Variants in MYT1L observed in about 807,000 individuals in gnomAD.
MYT1L encodes myelin transcription factor 1 like.
In MYT1L, 12 loss-of-function variants were observed where a neutral mutation model predicts 126.7. The observed-to-expected ratio is 0.09, with a 90% CI of 0.06 to 0.15. The LOEUF (loss-of-function observed/expected upper bound fraction) is 0.15. Among genes scored for constraint, MYT1L ranks in the 10% least tolerant of loss-of-function variants. The pLI is 1.00. For synonymous variants in MYT1L, 541 were observed against 604.2 expected, an observed-to-expected ratio of 0.90 and a Z score of 1.53; for missense variants, 979 against 1,585.2, an observed-to-expected ratio of 0.62 and a Z score of 6.49.
intron 3 of MYT1L, among the ~76,000 whole-genome samples, chr2:2,058,013 G>A (rs1033128545): frequency 2.0e-5 from 3 of 152,162 alleles, no homozygotes; most frequent in African/African-American, 7.2e-5. Context: ...AAAAGAAAAC[G>A]CCAAACTGGT....
Position 1,929,315 on chromosome 2 carries a change from A to AC in MYT1L, c.506-6053dup, listed in dbSNP as rs1368753786. On this transcript the variant is annotated intron_variant, in intron 9 of 24. Transcript: ENST00000647738. This position sits in a 1 kb window ranked among gnomAD's most constrained non-coding sequence, Gnocchi z 4.7. ...CTCACTTCCAGCACGAGATCCCCGC[A>AC]CCCCTCCTCTGCCTCCCTCATCCTC... Among the ~76,000 whole-genome samples the AC allele has an allele frequency of 6.6e-5, 10 of 151,496 alleles. No homozygotes were observed. The highest frequency in any genetic ancestry group is 5.3e-4 in the Admixed American group (8 of 15,200).
intron 2 of MYT1L, among the ~76,000 whole-genome samples, chr2:2,209,196 C>T (rs1226092203): frequency 6.6e-6 from 1 of 152,158 alleles, no homozygotes; most frequent in Admixed American, 6.5e-5. Context: ...ATAATCACAG[C>T]ATGGTACATG....
At chr2:2,320,927 C>G (rs756352170) in intron 1 of MYT1L, among the ~76,000 whole-genome samples, 1 of 152,210 alleles carries the variant, frequency 6.6e-6, no homozygotes, top group Non-Finnish European at 1.5e-5. Context: ...TTTCCACGAC[C>G]CAGACAACAA....
intron 3 of MYT1L, among the ~76,000 whole-genome samples, chr2:2,164,410 G>C (rs1049090151): frequency 6.6e-6 from 1 of 152,128 alleles, no homozygotes; most frequent in Non-Finnish European, 1.5e-5. Flanking sequence ...CATCCTGTTT[G>C]GATGAGGGTG....
intron 3 of MYT1L, among the ~76,000 whole-genome samples, chr2:2,154,609 T>C (rs368966361): frequency 6.6e-6 from 1 of 152,330 alleles, no homozygotes; most frequent in East Asian, 1.9e-4. Context: ...TTCTCACTTA[T>C]AAGTGGGACT....
At chr2:2,075,020 A>C (rs1360018477) in intron 3 of MYT1L, among the ~76,000 whole-genome samples, 3 of 152,194 alleles carry the variant, frequency 2.0e-5, no homozygotes, top group African/African-American at 7.2e-5. Flanking sequence ...GAAGTGAAGA[A>C]ACATGTTCAC....
At chr2:2,278,976 C>T (rs919470738) in intron 2 of MYT1L, among the ~76,000 whole-genome samples, 9 of 152,120 alleles carry the variant, frequency 5.9e-5, no homozygotes, top group Admixed American at 2.0e-4. Flanking sequence ...CTGGGAGGCA[C>T]CTTCACTAGG....
intron 2 of MYT1L, among the ~76,000 whole-genome samples, chr2:2,240,560 A>G (rs1478523722): frequency 6.6e-6 from 1 of 152,222 alleles, no homozygotes; most frequent in African/African-American, 2.4e-5. Context: ...TAGTAACACA[A>G]ATTAAAATAT....
At position 1,947,186 on chromosome 2, in the gene MYT1L, T is replaced by C. The variant is rs1004694156; in HGVS notation, c.153-3852A>G. Among the ~76,000 whole-genome samples the C allele has an allele frequency of 5.3e-5, 8 of 152,222 alleles. No individual in the cohort carries two copies. In the South Asian group the frequency reaches 1.5e-3, roughly 28 times the overall value. ...TGTCACCCCACTTGGCTTGGTGCTA[T>C]TCAGTGAGGTGACTGGGGGTAAGGT... On this transcript the variant is annotated intron_variant, in intron 8 of 24. Transcript: ENST00000647738.
intron 4 of MYT1L, among the ~76,000 whole-genome samples, chr2:2,042,041 C>T (rs1240281714): frequency 6.6e-6 from 1 of 152,184 alleles, no homozygotes; most frequent in Non-Finnish European, 1.5e-5. Flanking sequence ...AGAGTGTCTC[C>T]TGCTTCTTGT....
At chr2:2,143,798 C>T (rs1309683826) in intron 3 of MYT1L, among the ~76,000 whole-genome samples, 2 of 152,100 alleles carry the variant, frequency 1.3e-5, no homozygotes, top group African/African-American at 4.8e-5. Context: ...AGAACGAAAT[C>T]GTGTCCTTTG....
chr2:1,902,008 A>G (rs1379849510), intron 14 of MYT1L, among the ~76,000 whole-genome samples: 1 of 152,158 alleles, frequency 6.6e-6, no homozygotes, highest in Non-Finnish European at 1.5e-5. Context: ...TTAAAAAACT[A>G]TTTCCTTCCC....
Position 1,789,157 on chromosome 2 carries a change from TA to T in MYT1L, c.*2709del, listed in dbSNP as rs2031589955. ...CAAATGTGGCAACACCTTGTTTATT[TA>T]GAGTAAGATGTGTTAACATCCAGCA... is the stretch of plus-strand genomic sequence containing the variant. On this transcript the variant is annotated 3_prime_UTR_variant, in exon 25 of 25. Coordinates refer to ENST00000647738, the MANE Select transcript of MYT1L (RefSeq NM_001303052.2). 6.6e-6 allele frequency: 1 copy of T among 152,304 alleles called. No homozygotes were observed. The highest frequency in any genetic ancestry group is 2.1e-4 in the South Asian group (1 of 4,820). 9.4% of individuals were successfully genotyped at this position (152,304 alleles called of 1,614,324 possible).
intron 4 of MYT1L, among the ~76,000 whole-genome samples, chr2:2,002,601 C>G (rs565659516): frequency 2.0e-5 from 3 of 152,314 alleles, no homozygotes; most frequent in Admixed American, 2.0e-4. Context: ...AGGGTGTAAT[C>G]ATTTGTCCTT....
At chr2:1,985,467 C>T (rs944205520) in intron 5 of MYT1L, among the ~76,000 whole-genome samples, 2 of 152,274 alleles carry the variant, frequency 1.3e-5, no homozygotes, top group Non-Finnish European at 2.9e-5. Flanking sequence ...TAAAACCCTA[C>T]GTCATAGAAA....
chr2:1,893,157 TGA>T (rs2049137791), intron 14 of MYT1L, among the ~76,000 whole-genome samples: 2 of 152,176 alleles, frequency 1.3e-5, no homozygotes, highest in Admixed American at 1.3e-4. Flanking sequence ...AAACCAGCAC[TGA>T]GGGGCAAGGG....
chr2:2,121,531 G>A (rs749993003), intron 3 of MYT1L, among the ~76,000 whole-genome samples: 10 of 151,774 alleles, frequency 6.6e-5, no homozygotes, highest in Admixed American at 1.3e-4. Context: ...CTGTCACCCA[G>A]GCTGGAGTGC....
At chr2:2,325,308 G>A (rs1316288880) in intron 1 of MYT1L, 1 of 152,052 alleles carries the variant, frequency 6.6e-6, no homozygotes, top group Admixed American at 6.5e-5. Context: ...AATCGTTTTC[G>A]GGTTGCCAAC....
intron 18 of MYT1L, among the ~76,000 whole-genome samples, chr2:1,861,997 A>ATCCGCCTGCAGCCTGTGT (rs1558192114): frequency 1.3e-5 from 2 of 151,368 alleles, no homozygotes; most frequent in Non-Finnish European, 3.0e-5. Context: ...GTAATCCTGG[A>ATCCGCCTGCAGCCTGTGT]ATTCGCTGAG....
Sources: gnomAD v4.1 joint callset for allele counts (sites outside exome capture counted in the v4.1 genomes callset) on GRCh38, gnomAD v4.1.1 for gene constraint, Gnocchi (gnomAD v3.1) non-coding constraint, MANE v1.5 for transcripts, NCBI Gene and HGNC (gene_info 2026-07-23, HGNC 2026-07-21) for gene names.